The following NELL2 variants were observed in gnomAD, a reference collection of about 807,000 sequenced individuals.
The protein encoded by NELL2 is neural EGFL like 2.
Under a neutral mutation model 109.6 loss-of-function variants are expected in NELL2, and 41 were observed. That is an observed-to-expected ratio of 0.37 (90% CI 0.29 to 0.49). The LOEUF is 0.49. NELL2 is among the 20% of genes least tolerant of loss of function. NELL2 has a pLI of 0.98. For synonymous variants in NELL2, 355 were observed against 344.7 expected, an observed-to-expected ratio of 1.03 and a Z score of -0.33; for missense variants, 900 against 1,008.3, an observed-to-expected ratio of 0.89 and a Z score of 1.45.
Position 44,520,037 on chromosome 12 carries a change from G to T in NELL2, c.2368C>A (p.His790Asn), listed in dbSNP as rs1475275796. 2 of 1,614,158 alleles carry T rather than the reference G, an allele frequency of 1.2e-6. No individual in the cohort carries two copies. Among genetic ancestry groups the T allele is most frequent in the South Asian group, 2.2e-5 (2 of 91,080 alleles). The change falls in exon 19 of 20, where the codon CAT becomes AAT. Residue 790 changes from histidine (H) to asparagine (N), a missense_variant. Around this residue, in one of 4 missense-constraint regions of NELL2, gnomAD observed 333 missense variants for 432.3 expected, o/e 0.77. Transcript: ENST00000429094. ...VRFTGSSWIKHGTECTLCQCK... is the reference protein window; with the variant it reads ...VRFTGSSWIKNGTECTLCQCK... ...TGGCAGAGAGTACACTCAGTGCCAT[G>T]TTTGATCCAAGAGGACCCGGTGAAG...
intron 16 of NELL2, among the ~76,000 whole-genome samples, chr12:44,527,910 C>T (rs1280368882): frequency 6.6e-6 from 1 of 151,588 alleles, no homozygotes; most frequent in Non-Finnish European, 1.5e-5. Flanking sequence ...CTGGCTAACA[C>T]GGTGAAACCC....
At chr12:44,740,394 C>A (rs934437473) in intron 9 of NELL2, among the ~76,000 whole-genome samples, 2 of 152,014 alleles carry the variant, frequency 1.3e-5, no homozygotes. Flanking sequence ...GAGGTAGAAC[C>A]CTGGCATACC....
At position 44,656,830 on chromosome 12, in the gene NELL2, T is replaced by G. The variant is rs141872362; in HGVS notation, c.1444+8654A>C. 1.2e-3 allele frequency among the ~76,000 whole-genome samples: 184 copies of G among 152,294 alleles called. 3 individuals are homozygous for G. In the East Asian group the frequency reaches 0.026, roughly 22 times the overall value. On this transcript the variant is annotated intron_variant, in intron 13 of 19. Transcript: ENST00000429094. ...GTTCTGTACTTGTGATTTTGATAAA[T>G]CCATTGAAAGCTATTTTTAAATAGC... is the stretch of plus-strand genomic sequence containing the variant.
rs761894800 is a variant in NELL2, at chr12:44,776,016, C to G, written c.891+6G>C. The G allele has an allele frequency of 3.1e-6, 5 of 1,611,046 alleles. No homozygotes were observed. The highest frequency in any genetic ancestry group is 4.2e-6 in the Non-Finnish European group (5 of 1,178,966). ...CCCTTAGTCTCAACTCAAATAGAAG[C>G]CATACCAGGCATGTGCAGTTCTTAC... is the stretch of plus-strand genomic sequence containing the variant. On this transcript the variant is annotated splice_donor_region_variant and intron_variant, in intron 8 of 19. Transcript: ENST00000429094.
At chr12:44,797,461 G>A (rs563219797) in intron 3 of NELL2, among the ~76,000 whole-genome samples, 1 of 152,164 alleles carries the variant, frequency 6.6e-6, no homozygotes, top group African/African-American at 2.4e-5. Context: ...ATTCTACAAA[G>A]TCCATTCATG....
intron 15 of NELL2, among the ~76,000 whole-genome samples, chr12:44,542,878 G>T (rs74085092): frequency 0.045 from 6,779 of 152,188 alleles, 516 homozygotes; most frequent in African/African-American, 0.15. Context: ...GTACACTGGA[G>T]TTATGTAGCC....
chr12:44,824,760 G>A (rs1943655001), intron 2 of NELL2, among the ~76,000 whole-genome samples: 1 of 149,392 alleles, frequency 6.7e-6, no homozygotes, highest in African/African-American at 2.5e-5. Flanking sequence ...GCCCAGGCAG[G>A]AGTGCAACGG....
chr12:44,588,465 T>G (rs1201532326), intron 15 of NELL2, among the ~76,000 whole-genome samples: 1 of 151,878 alleles, frequency 6.6e-6, no homozygotes, highest in Non-Finnish European at 1.5e-5. Flanking sequence ...TGACGTCCAC[T>G]GGCTTAGGGG....
chr12:44,527,603 T>C (rs1173461659), intron 16 of NELL2, among the ~76,000 whole-genome samples: 4 of 152,194 alleles, frequency 2.6e-5, no homozygotes, highest in African/African-American at 9.7e-5. Flanking sequence ...AAGCTACCAT[T>C]GTGGCTTTGT....
chr12:44,710,483 T>G (rs1352453671), intron 11 of NELL2, among the ~76,000 whole-genome samples: 1 of 152,128 alleles, frequency 6.6e-6, no homozygotes, highest in Non-Finnish European at 1.5e-5. Flanking sequence ...GAAGATGGAT[T>G]CATAAGCATA....
chr12:44,605,490 T>G, intron 15 of NELL2, among the ~76,000 whole-genome samples: 1 of 152,132 alleles, frequency 6.6e-6, no homozygotes, highest in East Asian at 1.9e-4. Context: ...AGACTGAAGG[T>G]TCAAGTATAA....
chr12:44,598,226 C>T (rs2136234385), intron 15 of NELL2, among the ~76,000 whole-genome samples: 1 of 142,196 alleles, frequency 7.0e-6, no homozygotes, highest in South Asian at 2.3e-4. Flanking sequence ...ATGGATAGGG[C>T]TGACTGCTGT....
At chr12:44,522,778 C>G (rs561011128) in intron 17 of NELL2, 1 of 154,470 alleles carries the variant, frequency 6.5e-6, no homozygotes, top group African/African-American at 2.4e-5. Flanking sequence ...ACTCTTGGAT[C>G]ACAGCATGTT....
chr12:44,920,060 T>C (rs1945857332), intron 1 of NELL2, among the ~76,000 whole-genome samples: 1 of 151,960 alleles, frequency 6.6e-6, no homozygotes, highest in Non-Finnish European at 1.5e-5. Context: ...ACTGGAGAGC[T>C]TTTCAAAGGA....
chr12:44,901,471 C>A (rs1717931208), intron 1 of NELL2, among the ~76,000 whole-genome samples: 1 of 152,154 alleles, frequency 6.6e-6, no homozygotes, highest in African/African-American at 2.4e-5. Flanking sequence ...ACCAGAGGTA[C>A]AAAAAGGAGC....
chr12:44,889,809 A>G (rs2703044), intron 1 of NELL2, among the ~76,000 whole-genome samples: 3,438 of 152,292 alleles, frequency 0.023, 144 homozygotes, highest in African/African-American at 0.078. Context: ...TTCTAAGGCT[A>G]TACGTAGTCC....
intron 15 of NELL2, among the ~76,000 whole-genome samples, chr12:44,567,482 G>T (rs1592132086): frequency 6.6e-6 from 1 of 152,008 alleles, no homozygotes; most frequent in East Asian, 1.9e-4. Flanking sequence ...AGTAAATTTG[G>T]AATTACTCTA....
intron 13 of NELL2, among the ~76,000 whole-genome samples, chr12:44,644,580 GTATATATATATATA>G (rs138161908): frequency 1.2e-5 from 1 of 84,394 alleles, no homozygotes; most frequent in Non-Finnish European, 2.3e-5. Flanking sequence ...ACAAAGTAAA[GTATATATATATATA>G]TATATATATG....
At chr12:44,876,678 G>T, upstream of NELL2, 1 of 1,550,976 alleles carries the variant, frequency 6.4e-7, no homozygotes, top group South Asian at 1.2e-5. Context: ...AGGCAAGGCT[G>T]GAGCGAGTAG....
Sources: allele counts gnomAD v4.1 joint callset (sites outside exome capture counted in the v4.1 genomes callset), GRCh38; gene constraint gnomAD v4.1.1; regional missense constraint gnomAD v4.1.1; transcripts MANE v1.5; gene names NCBI Gene and HGNC (gene_info 2026-07-23, HGNC 2026-07-21).